Variants in SENP6 observed in about 807,000 individuals in gnomAD.
SENP6 encodes the protein sentrin-specific protease 6.
Under a neutral mutation model 134.5 loss-of-function variants are expected in SENP6, and 41 were observed. That is an observed-to-expected ratio of 0.30 (90% CI 0.24 to 0.40). The LOEUF is 0.40. SENP6 is among the 10% of genes least tolerant of loss of function. SENP6 has a pLI of 1.00. For synonymous variants in SENP6, 395 were observed against 429.8 expected (o/e 0.92, Z 1.00); for missense variants, 1,248 against 1,312.5 (o/e 0.95, Z 0.76).
chr6:75,606,928 C>T (rs1465015171), intron 1 of SENP6, among the ~76,000 whole-genome samples: 1 of 152,098 alleles, frequency 6.6e-6, no homozygotes, highest in Admixed American at 6.5e-5. Context: ...AGAGGCAGTG[C>T]TTTCTAGGTA....
chr6:75,602,468 G>C lies in SENP6; in HGVS notation c.-57G>C. Reference sequence around the variant, plus strand: ...CTCCGGCGCGGCCCCTCATCCCGGCGAGCACGGCGGCGGTGTGGGCCATGG... The same window carrying C: ...CTCCGGCGCGGCCCCTCATCCCGGCCAGCACGGCGGCGGTGTGGGCCATGG... On this transcript the variant is annotated 5_prime_UTR_variant, in exon 1 of 24. Coordinates refer to ENST00000447266, the MANE Select transcript of SENP6 (RefSeq NM_015571.4). 6.5e-7 allele frequency: 1 copy of C among 1,545,502 alleles called. No individual in the cohort carries two copies. Among genetic ancestry groups the C allele is most frequent in the South Asian group, 1.2e-5 (1 of 83,894 alleles).
At chr6:75,705,925 C>CGTT (rs1775371821) in intron 19 of SENP6, among the ~76,000 whole-genome samples, 13 of 47,974 alleles carry the variant, frequency 2.7e-4, no homozygotes, top group African/African-American at 1.4e-3. Context: ...ATTTTTGAGC[C>CGTT]TTTTTTTTTT....
chr6:75,645,298 A>G (rs771431885), intron 6 of SENP6, among the ~76,000 whole-genome samples: 1 of 152,162 alleles, frequency 6.6e-6, no homozygotes, highest in African/African-American at 2.4e-5. Context: ...TGCAAGAGTA[A>G]TGGAATCCTC....
At chr6:75,687,307 T>C (rs959405381) in intron 16 of SENP6, among the ~76,000 whole-genome samples, 2 of 152,308 alleles carry the variant, frequency 1.3e-5, no homozygotes. Flanking sequence ...CTAATCTTTT[T>C]TCATGGTGTT....
chr6:75,624,136 G>A (rs1279637651), intron 3 of SENP6, among the ~76,000 whole-genome samples, 176 bp downstream of exon 3: 1 of 152,098 alleles, frequency 6.6e-6, no homozygotes, highest in Non-Finnish European at 1.5e-5. Flanking sequence ...GCATTATAAA[G>A]AAGAGAAATA....
At chr6:75,693,588 C>CT (rs1292231147) in intron 16 of SENP6, among the ~76,000 whole-genome samples, 1 of 152,170 alleles carries the variant, frequency 6.6e-6, no homozygotes, top group Non-Finnish European at 1.5e-5. Context: ...ATCTGACTCA[C>CT]TGTCTTGTAT....
intron 16 of SENP6, among the ~76,000 whole-genome samples, chr6:75,692,799 A>AC (rs1349542203): frequency 2.6e-5 from 4 of 151,994 alleles, no homozygotes; most frequent in African/African-American, 9.7e-5. Flanking sequence ...GCCAAAAAAA[A>AC]AAAATCTGTA....
At chr6:75,622,139 A>C (rs1351612847) in intron 2 of SENP6, among the ~76,000 whole-genome samples, 1 of 152,274 alleles carries the variant, frequency 6.6e-6, no homozygotes, top group Non-Finnish European at 1.5e-5. Flanking sequence ...TTACCCAGAC[A>C]GAAGTTAAGC....
chr6:75,629,490 A>C (rs991458987), intron 3 of SENP6, among the ~76,000 whole-genome samples: 1 of 151,914 alleles, frequency 6.6e-6, no homozygotes, highest in East Asian at 2.0e-4. Flanking sequence ...AACAGAGACA[A>C]GGTTTCACCA....
rs996503466 is a variant in SENP6, at chr6:75,711,768, G to A, written c.2909+352G>A. ...GCTCACCACAACCTCCACCTCCCAG[G>A]TTCAAGCGATTCTCATGCCTCAGCC... On this transcript the variant is annotated intron_variant, in intron 21 of 23. Coordinates refer to ENST00000447266, the MANE Select transcript of SENP6 (RefSeq NM_015571.4). Among the ~76,000 whole-genome samples the A allele has an allele frequency of 5.9e-5, 9 of 152,314 alleles. 1 individual carries two copies. Among genetic ancestry groups the A allele is most frequent in the Admixed American group, 5.9e-4 (9 of 15,294 alleles).
At chr6:75,657,024 C>G (rs1199290053) in intron 7 of SENP6, among the ~76,000 whole-genome samples, 1 of 151,944 alleles carries the variant, frequency 6.6e-6, no homozygotes, top group African/African-American at 2.4e-5. Flanking sequence ...TTTTAAATGT[C>G]AGTCTCCAGG....
chr6:75,638,221 A>G (rs1769673358), intron 5 of SENP6, among the ~76,000 whole-genome samples: 1 of 144,114 alleles, frequency 6.9e-6, no homozygotes, highest in Non-Finnish European at 1.5e-5. Flanking sequence ...TTTATCTATT[A>G]GTCTTTTTCC....
At chr6:75,703,436 A>C (rs1197366921) in intron 19 of SENP6, among the ~76,000 whole-genome samples, 4 of 152,172 alleles carry the variant, frequency 2.6e-5, no homozygotes, top group Non-Finnish European at 5.9e-5. Flanking sequence ...AAATGTATAC[A>C]TAGAGTCATG....
intron 7 of SENP6, among the ~76,000 whole-genome samples, chr6:75,657,405 G>A (rs776988122): frequency 1.6e-4 from 25 of 152,016 alleles, no homozygotes; most frequent in Non-Finnish European, 2.9e-4. Context: ...TTTAGATCTC[G>A]GGAGAAAAAA....
At chr6:75,624,551 T>C (rs1202956320) in intron 3 of SENP6, among the ~76,000 whole-genome samples, 1 of 152,202 alleles carries the variant, frequency 6.6e-6, no homozygotes, top group Non-Finnish European at 1.5e-5. Flanking sequence ...TCCGTCATAA[T>C]GTCTTCAACC....
chr6:75,683,070 G>C (rs1773577040), intron 16 of SENP6, among the ~76,000 whole-genome samples: 1 of 152,152 alleles, frequency 6.6e-6, no homozygotes, highest in African/African-American at 2.4e-5. Flanking sequence ...AGCATCTGTT[G>C]TTTCCTGACT....
intron 23 of SENP6, among the ~76,000 whole-genome samples, chr6:75,715,089 G>C (rs1775956357): frequency 6.6e-6 from 1 of 152,246 alleles, no homozygotes; most frequent in East Asian, 1.9e-4. Context: ...AGCATCTGCA[G>C]ACCATATGTA....
chr6:75,674,314 T>C (rs1458243242), intron 11 of SENP6, among the ~76,000 whole-genome samples: 1 of 152,006 alleles, frequency 6.6e-6, no homozygotes, highest in East Asian at 1.9e-4. Context: ...ATGCCATCTA[T>C]ACCTAGGTAA....
At chr6:75,603,067 C>T (rs1249592544) in intron 1 of SENP6, among the ~76,000 whole-genome samples, 5 of 152,142 alleles carry the variant, frequency 3.3e-5, no homozygotes, top group Non-Finnish European at 7.3e-5. Context: ...TTGCAGCCAG[C>T]CTTCAGATTA....
Sources: allele counts gnomAD v4.1 joint callset (sites outside exome capture counted in the v4.1 genomes callset), GRCh38; gene constraint gnomAD v4.1.1; transcripts MANE v1.5; gene names NCBI Gene and HGNC (gene_info 2026-07-23, HGNC 2026-07-21).